ZNF804B: variants seen among roughly 807,000 people sequenced by gnomAD.
The protein encoded by ZNF804B is zinc finger protein 804B, also known as zinc finger 804B.
ZNF804B carries 80 observed loss-of-function variants against 101.4 expected under a neutral mutation model. That is an observed-to-expected ratio of 0.79 (90% confidence interval 0.66 to 0.95). The LOEUF (loss-of-function observed/expected upper bound fraction) is 0.95, where lower values mean the gene tolerates loss of function less well. Ranked by LOEUF, ZNF804B falls within the 40% of genes least tolerant of loss-of-function variation. The probability of loss-of-function intolerance (pLI) is 0.00; values close to 1 mark genes in which losing one functional copy is unlikely to be tolerated. For missense variants in ZNF804B, 1,673 were observed against 1,561.9 expected, an observed-to-expected ratio of 1.07 and a Z score of -1.20; for synonymous variants, 622 against 558.8, an observed-to-expected ratio of 1.11 and a Z score of -1.59.
intron 2 of ZNF804B, among the ~76,000 whole-genome samples, chr7:89,237,107 G>GA (rs955476511): frequency 4.7e-5 from 7 of 150,438 alleles, no homozygotes; most frequent in African/African-American, 1.2e-4. Flanking sequence ...TCACCCAGAA[G>GA]AAAAAAAAAT....
At chr7:88,805,158 T>G (rs1012898893) in intron 1 of ZNF804B, among the ~76,000 whole-genome samples, 2 of 152,162 alleles carry the variant, frequency 1.3e-5, no homozygotes, top group Non-Finnish European at 2.9e-5. Context: ...TAATGGTGAC[T>G]AGTTTTGGGA....
chr7:89,020,356 T>C (rs928846427), intron 1 of ZNF804B, among the ~76,000 whole-genome samples: 7 of 152,246 alleles, frequency 4.6e-5, no homozygotes, highest in Middle Eastern at 3.4e-3. Context: ...CAATTTTTTG[T>C]CTGTTTGTTT....
chr7:88,839,919 A>T (rs2115802230), intron 1 of ZNF804B, among the ~76,000 whole-genome samples: 1 of 152,272 alleles, frequency 6.6e-6, no homozygotes, highest in South Asian at 2.1e-4. Flanking sequence ...CCTCCTATTA[A>T]CTGGGACTAT....
intron 1 of ZNF804B, among the ~76,000 whole-genome samples, chr7:89,109,052 T>A (rs373066958): frequency 6.6e-6 from 1 of 152,126 alleles, no homozygotes; most frequent in Middle Eastern, 3.2e-3. Context: ...AAGTAAATCA[T>A]GTTTGGGTAT....
intron 1 of ZNF804B, among the ~76,000 whole-genome samples, chr7:89,097,079 T>G (rs1789980776): frequency 6.6e-6 from 1 of 152,216 alleles, no homozygotes; most frequent in Non-Finnish European, 1.5e-5. Context: ...AAATCCTGTA[T>G]TCAGGTTCAT....
At chr7:89,222,958 A>C (rs777346397) in intron 2 of ZNF804B, among the ~76,000 whole-genome samples, 5 of 151,942 alleles carry the variant, frequency 3.3e-5, no homozygotes, top group Non-Finnish European at 5.9e-5. Flanking sequence ...TTTAGCCCAA[A>C]ATATTTTGAA....
chr7:89,274,726 A>T (rs1417756873), intron 2 of ZNF804B, among the ~76,000 whole-genome samples: 1 of 151,754 alleles, frequency 6.6e-6, no homozygotes, highest in Non-Finnish European at 1.5e-5. Flanking sequence ...ATCCATCTAG[A>T]GTCTTATATC....
intron 1 of ZNF804B, among the ~76,000 whole-genome samples, chr7:88,966,167 A>G (rs1259309218): frequency 6.6e-6 from 1 of 151,512 alleles, no homozygotes; most frequent in African/African-American, 2.4e-5. Flanking sequence ...TAATATTATC[A>G]TATAATAACT....
intron 1 of ZNF804B, among the ~76,000 whole-genome samples, chr7:89,055,136 T>C (rs915804736): frequency 1.3e-5 from 2 of 152,088 alleles, no homozygotes; most frequent in Non-Finnish European, 2.9e-5. Flanking sequence ...AAAAGGTTAA[T>C]TTTGAGGGAT....
intron 1 of ZNF804B, among the ~76,000 whole-genome samples, chr7:89,112,358 C>T (rs2079085): frequency 0.32 from 48,722 of 151,936 alleles, 8,752 homozygotes; most frequent in African/African-American, 0.5. Flanking sequence ...TATTCCTCTA[C>T]CATTTGTTGA....
intron 2 of ZNF804B, among the ~76,000 whole-genome samples, chr7:89,301,341 G>A (rs916992697): frequency 6.6e-6 from 1 of 151,484 alleles, no homozygotes; most frequent in African/African-American, 2.4e-5. Flanking sequence ...GATCTTGACA[G>A]GACAATGCAA....
chr7:89,013,889 CTTATT>C (rs1191772479), intron 1 of ZNF804B, among the ~76,000 whole-genome samples: 1 of 152,148 alleles, frequency 6.6e-6, no homozygotes, highest in Non-Finnish European at 1.5e-5. Context: ...CTGTTACCAG[CTTATT>C]TTATTTAACA....
chr7:89,227,014 T>A (rs543190919), intron 2 of ZNF804B, among the ~76,000 whole-genome samples: 1 of 152,332 alleles, frequency 6.6e-6, no homozygotes, highest in East Asian at 1.9e-4. Context: ...CCTGACAATT[T>A]GTTCATCAGG....
At chr7:89,179,887 G>A (rs1045117150) in intron 1 of ZNF804B, among the ~76,000 whole-genome samples, 1 of 152,176 alleles carries the variant, frequency 6.6e-6, no homozygotes, top group Non-Finnish European at 1.5e-5. Context: ...GTAACACTGT[G>A]ACTCTTATTG....
chr7:89,244,638 G>A (rs574150947), intron 2 of ZNF804B, among the ~76,000 whole-genome samples: 1 of 152,158 alleles, frequency 6.6e-6, no homozygotes, highest in African/African-American at 2.4e-5. Flanking sequence ...TTAAAAAACA[G>A]CTTCATAGCA....
At chr7:89,255,073 T>C (rs1789605840) in intron 2 of ZNF804B, among the ~76,000 whole-genome samples, 1 of 152,218 alleles carries the variant, frequency 6.6e-6, no homozygotes, top group African/African-American at 2.4e-5. Flanking sequence ...ACAGATTTAA[T>C]TGACTCACAG....
chr7:89,002,392 T>A (rs921718564), intron 1 of ZNF804B, among the ~76,000 whole-genome samples: 6 of 151,912 alleles, frequency 3.9e-5, no homozygotes, highest in Admixed American at 2.6e-4. Context: ...TTTCCCACAA[T>A]AACATGCTTG....
chr7:88,803,665 G>A (rs1790642193), intron 1 of ZNF804B, among the ~76,000 whole-genome samples: 2 of 152,146 alleles, frequency 1.3e-5, no homozygotes, highest in South Asian at 4.1e-4. Flanking sequence ...AGATACAGGA[G>A]GATGCCCAGA....
intron 2 of ZNF804B, among the ~76,000 whole-genome samples, chr7:89,316,970 G>A (rs565739448): frequency 9.9e-5 from 15 of 152,248 alleles, no homozygotes; most frequent in African/African-American, 2.6e-4. Flanking sequence ...CTTAAAGAGG[G>A]GCCAGCAAAC....
Sources: gnomAD v4.1 joint callset for allele counts (sites outside exome capture counted in the v4.1 genomes callset) on GRCh38, gnomAD v4.1.1 for gene constraint, MANE v1.5 for transcripts, NCBI Gene and HGNC (gene_info 2026-07-23, HGNC 2026-07-21) for gene names.